XPR1: variants seen among roughly 807,000 people sequenced by gnomAD.
XPR1 encodes xenotropic and polytropic retrovirus receptor 1.
Under a neutral mutation model 87.5 loss-of-function variants are expected in XPR1, and 28 were observed. The ratio of observed to expected loss-of-function variants is 0.32; its 90% CI spans 0.24 to 0.44. The LOEUF is 0.44. Among genes scored for constraint, XPR1 ranks in the 20% least tolerant of loss-of-function variants. XPR1 has a pLI of 1.00. For missense variants in XPR1, 559 were observed against 862.3 expected, an observed-to-expected ratio of 0.65 and a Z score of 4.41; for synonymous variants, 300 against 306.1, an observed-to-expected ratio of 0.98 and a Z score of 0.21.
intron 2 of XPR1, among the ~76,000 whole-genome samples, chr1:180,727,592 C>T (rs193024384): frequency 1.0e-3 from 159 of 152,150 alleles, no homozygotes; most frequent in African/African-American, 3.0e-3. Context: ...TGCAGTGAGC[C>T]GAGATCGCAC....
Position 180,787,834 on chromosome 1 carries a change from A to C in XPR1, c.203A>C (p.Lys68Thr). ...CAAACCTGTGAAAAAGAACTTGCCAAAATCAACACATTTTATTCAGGTGAG... is the reference window on the plus strand; with the variant it reads ...CAAACCTGTGAAAAAGAACTTGCCACAATCAACACATTTTATTCAGGTGAG... ...FFQTCEKELA[K>T]INTFYSEKLA... is the part of the protein sequence containing the mutation. The change falls in exon 3 of 15, where the codon AAA becomes ACA. Residue 68 changes from lysine to threonine, a missense_variant. By Grantham distance (78) the Lys-to-Thr change is moderately conservative (BLOSUM62 -1). Around this residue, in one of 7 missense-constraint regions of XPR1, gnomAD observed 159 missense variants for 263.3 expected, o/e 0.60. Transcript: ENST00000367590. 2 of 1,612,040 alleles carry C rather than the reference A, an allele frequency of 1.2e-6. No individual in the cohort carries two copies. The highest frequency in any genetic ancestry group is 1.7e-5 in the Admixed American group (1 of 59,624).
At chr1:180,773,966 T>C (rs1357950839) in intron 2 of XPR1, among the ~76,000 whole-genome samples, 1 of 152,236 alleles carries the variant, frequency 6.6e-6, no homozygotes, top group African/African-American at 2.4e-5. Context: ...TTTTTAAAAA[T>C]TGCATTTTCA....
At chr1:180,821,578 G>GA (rs1480929571) in intron 7 of XPR1, among the ~76,000 whole-genome samples, 4 of 151,892 alleles carry the variant, frequency 2.6e-5, no homozygotes, top group Admixed American at 6.6e-5. Context: ...TTTCAGTTCT[G>GA]AAAAAAAGCC....
At chr1:180,652,143 T>G (rs1571680659) in intron 1 of XPR1, among the ~76,000 whole-genome samples, 1 of 152,016 alleles carries the variant, frequency 6.6e-6, no homozygotes, top group African/African-American at 2.4e-5. Flanking sequence ...AATACAAAAA[T>G]TAGCCAGGTG....
intron 2 of XPR1, among the ~76,000 whole-genome samples, chr1:180,690,021 T>C (rs530339624): frequency 6.6e-6 from 1 of 152,136 alleles, no homozygotes; most frequent in Non-Finnish European, 1.5e-5. Flanking sequence ...CTGGGTGTGG[T>C]GGCGCATGCC....
chr1:180,844,947 A>G (rs909385618), intron 11 of XPR1, among the ~76,000 whole-genome samples: 3 of 152,240 alleles, frequency 2.0e-5, no homozygotes, highest in Non-Finnish European at 4.4e-5. Flanking sequence ...GCAAGAAAGT[A>G]TACTTCTGCC....
chr1:180,790,077 G>A (rs1220045651), intron 3 of XPR1, among the ~76,000 whole-genome samples: 1 of 151,906 alleles, frequency 6.6e-6, no homozygotes. Context: ...AAAAATAAAG[G>A]CCATCAGCTT....
intron 7 of XPR1, among the ~76,000 whole-genome samples, chr1:180,815,803 G>A (rs1057475422): frequency 3.9e-5 from 6 of 152,130 alleles, no homozygotes; most frequent in African/African-American, 1.4e-4. Flanking sequence ...TGGTACACTA[G>A]TGGTAAGAGT....
chr1:180,859,051 A>C (rs1265427171), intron 11 of XPR1, among the ~76,000 whole-genome samples: 1 of 152,274 alleles, frequency 6.6e-6, no homozygotes, highest in Non-Finnish European at 1.5e-5. Context: ...GTGTTTTCTT[A>C]TTTTATTTCA....
intron 3 of XPR1, among the ~76,000 whole-genome samples, chr1:180,791,819 A>G (rs1020246468): frequency 6.6e-6 from 1 of 152,200 alleles, no homozygotes; most frequent in Admixed American, 6.5e-5. Flanking sequence ...ATGACCTCAT[A>G]TTGGGTTGCA....
chr1:180,803,530 T>A lies in XPR1; in HGVS notation c.366T>A (p.Arg122=). The change falls in exon 4 of 15, where the codon CGT becomes CGA. Residue 122 remains arginine, a synonymous_variant. Transcript: ENST00000367590. ...TCTTCCACTTGTCCCATGAGGAACGTGTCCAACATAGAAATATTAAAGACC... is the reference window on the plus strand; with the variant it reads ...TCTTCCACTTGTCCCATGAGGAACGAGTCCAACATAGAAATATTAAAGACC... ...KPVFHLSHEE[R]VQHRNIKDLK... 6.2e-7 allele frequency: 1 copy of A among 1,613,840 alleles called. No individual in the cohort carries two copies. The highest frequency in any genetic ancestry group is 8.5e-7 in the Non-Finnish European group (1 of 1,179,988).
chr1:180,667,137 A>ACT (rs1009686580), intron 1 of XPR1, among the ~76,000 whole-genome samples: 6 of 151,966 alleles, frequency 3.9e-5, no homozygotes, highest in African/African-American at 1.5e-4. Flanking sequence ...CTGGTCTCAA[A>ACT]CTCCTGAACT....
intron 1 of XPR1, among the ~76,000 whole-genome samples, chr1:180,668,893 C>A (rs1656059052): frequency 6.6e-6 from 1 of 152,002 alleles, no homozygotes; most frequent in African/African-American, 2.4e-5. Context: ...AGTTCAGGAC[C>A]AGCCTGGCCA....
chr1:180,800,541 T>C (rs776139237), intron 3 of XPR1, among the ~76,000 whole-genome samples: 1 of 152,226 alleles, frequency 6.6e-6, no homozygotes, highest in African/African-American at 2.4e-5. Flanking sequence ...CGTTTAGCCT[T>C]AGGAGAGCCT....
At chr1:180,635,480 C>T (rs1349720791) in intron 1 of XPR1, among the ~76,000 whole-genome samples, 2 of 152,114 alleles carry the variant, frequency 1.3e-5, no homozygotes, top group Admixed American at 1.3e-4. Flanking sequence ...TATTTGGTGC[C>T]TTAGGCTGCT....
chr1:180,745,007 T>TG (rs940488604), intron 2 of XPR1, among the ~76,000 whole-genome samples: 60 of 152,276 alleles, frequency 3.9e-4, no homozygotes, highest in African/African-American at 1.3e-3. Context: ...ATATTAGTGT[T>TG]GTTTTCAAAG....
intron 7 of XPR1, among the ~76,000 whole-genome samples, chr1:180,822,542 A>C (rs1056120459): frequency 6.6e-6 from 1 of 152,220 alleles, no homozygotes; most frequent in African/African-American, 2.4e-5. Context: ...TCCGTTGTTC[A>C]TCACTGAATT....
chr1:180,757,576 A>G (rs914428264), intron 2 of XPR1, among the ~76,000 whole-genome samples: 6 of 149,132 alleles, frequency 4.0e-5, no homozygotes, highest in South Asian at 2.1e-4. Flanking sequence ...TGGCCCAATC[A>G]TGGTTCACTG....
chr1:180,680,968 ACAC>A (rs974437822), intron 1 of XPR1, among the ~76,000 whole-genome samples: 1 of 152,254 alleles, frequency 6.6e-6, no homozygotes, highest in Admixed American at 6.5e-5. Flanking sequence ...AGAAAGTTAA[ACAC>A]CACATGTTCT....
Sources: gnomAD v4.1 joint callset for allele counts (sites outside exome capture counted in the v4.1 genomes callset) on GRCh38, gnomAD v4.1.1 for gene constraint, gnomAD v4.1.1 regional missense constraint, MANE v1.5 for transcripts, NCBI Gene and HGNC (gene_info 2026-07-23, HGNC 2026-07-21) for gene names.